Variants in ARHGEF26 observed in about 807,000 individuals in gnomAD.
ARHGEF26 encodes the protein Rho guanine nucleotide exchange factor (GEF) 26.
Under a neutral mutation model 89.4 loss-of-function variants are expected in ARHGEF26, and 59 were observed. That is an observed-to-expected ratio of 0.66 (90% CI 0.54 to 0.82). The LOEUF (loss-of-function observed/expected upper bound fraction) is 0.82, where lower values mean the gene tolerates loss of function less well. Among genes scored for constraint, ARHGEF26 ranks in the 40% least tolerant of loss-of-function variants. The probability of loss-of-function intolerance (pLI) is 0.00; values close to 1 mark genes in which losing one functional copy is unlikely to be tolerated. For synonymous variants in ARHGEF26, 500 were observed against 428.4 expected (o/e 1.17, Z -2.06); for missense variants, 1,234 against 1,085.6 (o/e 1.14, Z -1.92).
In ARHGEF26 at chr3:154,257,189, C is replaced by T. The variant is rs909271573; in HGVS notation, c.*1716C>T. The T allele has an allele frequency of 4.5e-6, 2 of 447,912 alleles. No homozygotes were observed. Among genetic ancestry groups the T allele is most frequent in the East Asian group, 3.8e-5 (1 of 26,302 alleles). 27.7% of individuals were successfully genotyped at this position (447,912 alleles called of 1,614,324 possible). On this transcript the variant is annotated 3_prime_UTR_variant, in exon 15 of 15. Coordinates refer to ENST00000465093, the MANE Select transcript of ARHGEF26 (RefSeq NM_015595.4). The stretch of plus-strand genomic sequence containing the variant: ...AGTGTGGGGCACTGGGGACTTCTAA[C>T]CCTTGGATTGCTCTTTTTGACCTGT...
chr3:154,222,493 T>C (rs967157193), intron 10 of ARHGEF26, among the ~76,000 whole-genome samples: 5 of 152,230 alleles, frequency 3.3e-5, no homozygotes, highest in Non-Finnish European at 4.4e-5. Context: ...TGTCTTGGTT[T>C]TCTGAACCCT....
chr3:154,183,172 G>GT lies in ARHGEF26; in HGVS notation c.1488-4512dup, dbSNP rs1428334301. 7.9e-5 allele frequency among the ~76,000 whole-genome samples: 12 copies of GT among 152,288 alleles called. No homozygotes were observed. In the South Asian group the frequency reaches 2.5e-3, roughly 32 times the overall value. Reference sequence around the variant, plus strand: ...TTGAAGTATGGGTGTGATTTTGCTTGTGATGGTGAGTTAACAGCCAAACAG... The same window carrying GT: ...TTGAAGTATGGGTGTGATTTTGCTTGTTGATGGTGAGTTAACAGCCAAACAG... On this transcript the variant is annotated intron_variant, in intron 6 of 14. Transcript: ENST00000465093.
intron 11 of ARHGEF26, among the ~76,000 whole-genome samples, chr3:154,235,580 A>C (rs1266756612): frequency 6.6e-6 from 1 of 152,222 alleles, no homozygotes. Context: ...AAGCAGCCAC[A>C]GACACCTAGA....
At chr3:154,147,131 A>C (rs574518145) in intron 4 of ARHGEF26, among the ~76,000 whole-genome samples, 8 of 152,198 alleles carry the variant, frequency 5.3e-5, no homozygotes, top group Non-Finnish European at 1.0e-4. Flanking sequence ...GAGGCCGGAC[A>C]TGGTGGCTCA....
chr3:154,199,194 C>T (rs911266227), intron 9 of ARHGEF26, among the ~76,000 whole-genome samples: 1 of 151,710 alleles, frequency 6.6e-6, no homozygotes, highest in Non-Finnish European at 1.5e-5. Context: ...TTAACCATCC[C>T]CACCTCCTCC....
At chr3:154,201,338 A>AT (rs1013913888) in intron 9 of ARHGEF26, among the ~76,000 whole-genome samples, 30 of 151,990 alleles carry the variant, frequency 2.0e-4, no homozygotes, top group African/African-American at 7.0e-4. Context: ...TGAACTCATC[A>AT]TTTTTTATGG....
At chr3:154,189,926 T>G (rs1218264525) in intron 7 of ARHGEF26, among the ~76,000 whole-genome samples, 1 of 152,076 alleles carries the variant, frequency 6.6e-6, no homozygotes, top group Non-Finnish European at 1.5e-5. Flanking sequence ...AATGAATTGT[T>G]TCTGTATAAT....
chr3:154,152,931 A>C lies in ARHGEF26; in HGVS notation c.1486A>C (p.Lys496Gln). 6.3e-7 allele frequency: 1 copy of C among 1,577,958 alleles called. No individual in the cohort carries two copies. Among genetic ancestry groups the C allele is most frequent in the East Asian group, 2.3e-5 (1 of 43,590 alleles). ...TACAGATGTCTGTGAGGCAAGCAAA[A>C]AGTAAGTGCACTGCAGTCTGCCTTT... ...NITDVCEASK[K>Q]FFIELEARHQ... Residue 496 changes from lysine to glutamine, a missense_variant and splice_region_variant, in exon 6 of 15, where the codon AAG (lysine) becomes CAG (glutamine). Lys to Gln is a moderately conservative substitution (Grantham distance 53). Coordinates refer to ENST00000465093, the MANE Select transcript of ARHGEF26 (RefSeq NM_015595.4).
intron 12 of ARHGEF26, among the ~76,000 whole-genome samples, chr3:154,251,025 T>A (rs1718117302): frequency 6.6e-6 from 1 of 152,054 alleles, no homozygotes; most frequent in Non-Finnish European, 1.5e-5. Context: ...CTATATAAAT[T>A]GTGCATATTA....
intron 4 of ARHGEF26, among the ~76,000 whole-genome samples, chr3:154,141,864 A>T (rs762662897): frequency 1.3e-5 from 2 of 152,194 alleles, no homozygotes; most frequent in African/African-American, 4.8e-5. Flanking sequence ...TTTGCATTCA[A>T]TGCCAGTTTA....
At position 154,130,147 on chromosome 3, in the gene ARHGEF26, A is replaced by ATTTTTTTTTTTT. The variant is rs55816788; in HGVS notation, c.1269+434_1269+445dup. Among the ~76,000 whole-genome samples the ATTTTTTTTTTTT allele has an allele frequency of 2.6e-4, 28 of 105,936 alleles. 1 individual carries two copies. Among genetic ancestry groups the ATTTTTTTTTTTT allele is most frequent in the East Asian group, 6.1e-4 (2 of 3,274 alleles). 69.5% of individuals were successfully genotyped at this position (105,936 alleles called of 152,430 possible). ...AGCTAGTTACAATTCTTCCTTGGAA[A>ATTTTTTTTTTTT]TTTTTTTTTTTTTTTTTGAGATGAG... On this transcript the variant is annotated intron_variant, in intron 4 of 14. Coordinates refer to ENST00000465093, the MANE Select transcript of ARHGEF26 (RefSeq NM_015595.4).
At chr3:154,195,798 G>A (rs1032670551) in intron 9 of ARHGEF26, among the ~76,000 whole-genome samples, 4 of 152,116 alleles carry the variant, frequency 2.6e-5, no homozygotes, top group African/African-American at 9.7e-5. Flanking sequence ...ATGGACAATA[G>A]TTGAAGCTGG....
chr3:154,240,617 G>T, intron 12 of ARHGEF26, 38 bp downstream of exon 12: 1 of 1,534,352 alleles, frequency 6.5e-7, no homozygotes, highest in Non-Finnish European at 8.8e-7. Context: ...ATAGCTGATA[G>T]TATCTCCCTG....
chr3:154,126,578 T>C (rs1005980481), intron 3 of ARHGEF26, among the ~76,000 whole-genome samples: 2 of 152,190 alleles, frequency 1.3e-5, no homozygotes, highest in African/African-American at 4.8e-5. Flanking sequence ...GGAGTCCCAT[T>C]GTGTTCAGGA....
intron 12 of ARHGEF26, among the ~76,000 whole-genome samples, chr3:154,248,373 C>T (rs1014887521): frequency 1.3e-5 from 2 of 152,134 alleles, no homozygotes; most frequent in Non-Finnish European, 2.9e-5. Flanking sequence ...TAATTAACAA[C>T]AGGAAGTACA....
At position 154,256,844 on chromosome 3, in the gene ARHGEF26, A is replaced by G. The variant is rs540562567; in HGVS notation, c.*1371A>G. ...GAGTCCCTCTTAACTGTGAGTTTCT[A>G]TAGAACTTTACTTTTTCCACTAGTG... On this transcript the variant is annotated 3_prime_UTR_variant, in exon 15 of 15. Coordinates refer to ENST00000465093, the MANE Select transcript of ARHGEF26 (RefSeq NM_015595.4). The G allele has an allele frequency of 1.3e-5, 20 of 1,531,952 alleles. No individual in the cohort carries two copies. In the South Asian group the frequency reaches 2.3e-4, roughly 17 times the overall value. The allele number at this position is 1,531,952 out of a possible 1,614,324, so 94.9% of individuals were successfully genotyped here.
At chr3:154,187,659 A>ATTTTTTTTTTTTT in intron 6 of ARHGEF26, 26 bp from the exon 7 acceptor site, 1 of 1,556,978 alleles carries the variant, frequency 6.4e-7, no homozygotes. Flanking sequence ...AGAAGTGTTA[A>ATTTTTTTTTTTTT]TTTTTTTTTC....
At chr3:154,125,453 A>C (rs1718271222) in intron 3 of ARHGEF26, among the ~76,000 whole-genome samples, 1 of 152,194 alleles carries the variant, frequency 6.6e-6, no homozygotes, top group South Asian at 2.1e-4. Flanking sequence ...AGAAGATCTG[A>C]GAGGTTTGGT....
intron 6 of ARHGEF26, among the ~76,000 whole-genome samples, chr3:154,162,974 G>A (rs1489469447): frequency 6.6e-6 from 1 of 152,158 alleles, no homozygotes; most frequent in Non-Finnish European, 1.5e-5. Flanking sequence ...ATGATGGTAG[G>A]AGGTGCTCCT....
Sources: gnomAD v4.1 joint callset for allele counts (sites outside exome capture counted in the v4.1 genomes callset) on GRCh38, gnomAD v4.1.1 for gene constraint, MANE v1.5 for transcripts, NCBI Gene and HGNC (gene_info 2026-07-23, HGNC 2026-07-21) for gene names.